The following PALLD variants were observed in gnomAD, a reference collection of about 807,000 sequenced individuals.
PALLD encodes the protein palladin, cytoskeletal associated protein.
Under a neutral mutation model 123.5 loss-of-function variants are expected in PALLD, and 61 were observed. That is an observed-to-expected ratio of 0.49 (90% CI 0.40 to 0.61). PALLD has a LOEUF of 0.61. Ranked by LOEUF, PALLD falls within the 20% of genes least tolerant of loss-of-function variation. The pLI is 0.00. For synonymous variants in PALLD, 465 were observed against 496.4 expected (o/e 0.94, Z 0.84); for missense variants, 1,273 against 1,377.0 (o/e 0.92, Z 1.20).
chr4:168,860,325 C>T (rs1749271564), intron 10 of PALLD, among the ~76,000 whole-genome samples: 1 of 152,162 alleles, frequency 6.6e-6, no homozygotes, highest in Non-Finnish European at 1.5e-5. Context: ...ACAGAAGCCC[C>T]CTCGGACTCC....
chr4:168,528,093 A>G (rs9996029), intron 2 of PALLD, among the ~76,000 whole-genome samples: 66,078 of 151,898 alleles, frequency 0.44, 15,312 homozygotes, highest in African/African-American at 0.6. Flanking sequence ...CCCTCCTTGC[A>G]TTGTTTGAGT....
At chr4:168,721,468 A>G (rs1376223604) in intron 10 of PALLD, among the ~76,000 whole-genome samples, 1 of 152,188 alleles carries the variant, frequency 6.6e-6, no homozygotes, top group Non-Finnish European at 1.5e-5. Flanking sequence ...AAAAAATAAT[A>G]CACTTTAACC....
chr4:168,873,762 G>A (rs188449873), intron 10 of PALLD, among the ~76,000 whole-genome samples: 24 of 152,324 alleles, frequency 1.6e-4, no homozygotes, highest in Admixed American at 1.0e-3. Context: ...CACATTACTT[G>A]ACCTCACTAA....
intron 10 of PALLD, among the ~76,000 whole-genome samples, chr4:168,717,637 C>G (rs561702211): frequency 2.6e-5 from 4 of 152,288 alleles, no homozygotes; most frequent in African/African-American, 7.2e-5. Flanking sequence ...AGGTGTGAGC[C>G]ACCATGCCTG....
At chr4:168,919,216 A>G (rs1445937722) in intron 17 of PALLD, among the ~76,000 whole-genome samples, 1 of 152,104 alleles carries the variant, frequency 6.6e-6, no homozygotes, top group Non-Finnish European at 1.5e-5. Flanking sequence ...TGATGATCTG[A>G]CCTGGATAAA....
chr4:168,506,462 C>A (rs1762014734), intron 1 of PALLD, among the ~76,000 whole-genome samples: 1 of 152,176 alleles, frequency 6.6e-6, no homozygotes, highest in Non-Finnish European at 1.5e-5. Flanking sequence ...AAAGAACTGC[C>A]CCCTTCCTAC....
chr4:168,625,834 G>T (rs546858211), intron 2 of PALLD, among the ~76,000 whole-genome samples: 2 of 152,200 alleles, frequency 1.3e-5, no homozygotes, highest in South Asian at 4.2e-4. Flanking sequence ...AAATGGTGCA[G>T]CCACTATCGA....
intron 10 of PALLD, among the ~76,000 whole-genome samples, chr4:168,755,341 G>T (rs1196280387): frequency 6.6e-6 from 1 of 152,020 alleles, no homozygotes; most frequent in Non-Finnish European, 1.5e-5. Flanking sequence ...GCAGGGACTT[G>T]AATTATATAG....
At chr4:168,611,951 G>A (rs1241125495) in intron 2 of PALLD, among the ~76,000 whole-genome samples, 1 of 152,122 alleles carries the variant, frequency 6.6e-6, no homozygotes, top group East Asian at 1.9e-4. Context: ...CTTGAGCTCA[G>A]GAGTTCAAGA....
intron 2 of PALLD, among the ~76,000 whole-genome samples, chr4:168,578,051 C>T (rs1769816919): frequency 6.6e-6 from 1 of 152,012 alleles, no homozygotes; most frequent in Non-Finnish European, 1.5e-5. Context: ...CCTTTGGATG[C>T]AGGATATACT....
intron 10 of PALLD, among the ~76,000 whole-genome samples, chr4:168,761,264 C>T (rs1732786136): frequency 6.6e-6 from 1 of 152,150 alleles, no homozygotes; most frequent in African/African-American, 2.4e-5. Flanking sequence ...GTCTTTGGCT[C>T]AGCATTTCTC....
intron 13 of PALLD, chr4:168,898,097 T>G (rs1755643520): frequency 3.8e-6 from 1 of 260,570 alleles, no homozygotes; most frequent in South Asian, 4.8e-5. Context: ...TGTGGAGAGA[T>G]GTACCACCCT....
At chr4:168,787,881 A>G (rs770753907) in intron 10 of PALLD, among the ~76,000 whole-genome samples, 1 of 152,174 alleles carries the variant, frequency 6.6e-6, no homozygotes, top group Non-Finnish European at 1.5e-5. Context: ...AACATTACAC[A>G]CTTATGTATG....
intron 15 of PALLD, among the ~76,000 whole-genome samples, chr4:168,908,418 T>C (rs993334406): frequency 6.6e-6 from 1 of 152,216 alleles, no homozygotes; most frequent in Admixed American, 6.5e-5. Flanking sequence ...ACAACATCTA[T>C]TACCGTATAT....
intron 1 of PALLD, among the ~76,000 whole-genome samples, chr4:168,498,040 G>A (rs1454727795): frequency 6.6e-6 from 1 of 152,168 alleles, no homozygotes; most frequent in Non-Finnish European, 1.5e-5. Flanking sequence ...CATATATGCA[G>A]AAATTAAATC....
chr4:168,627,596 C>T (rs572850489), intron 2 of PALLD, among the ~76,000 whole-genome samples: 1 of 152,142 alleles, frequency 6.6e-6, no homozygotes, highest in South Asian at 2.1e-4. Flanking sequence ...ATAAGACAGG[C>T]CTATCTATGA....
intron 6 of PALLD, among the ~76,000 whole-genome samples, chr4:168,690,345 C>T (rs1782499950): frequency 6.6e-6 from 1 of 152,170 alleles, no homozygotes; most frequent in African/African-American, 2.4e-5. Context: ...AATTTGCAGA[C>T]AGGCCAGAAA....
At chr4:168,702,918 A>T (rs892768717) in intron 8 of PALLD, among the ~76,000 whole-genome samples, 4 of 142,084 alleles carry the variant, frequency 2.8e-5, no homozygotes, top group Middle Eastern at 3.3e-3. Context: ...TTTATTTTTT[A>T]TTATTATACT....
chr4:168,576,247 A>C (rs571108660), intron 2 of PALLD, among the ~76,000 whole-genome samples: 4 of 149,582 alleles, frequency 2.7e-5, no homozygotes, highest in South Asian at 4.2e-4. Flanking sequence ...TTCTTTTTTT[A>C]TTATTATACT....
Sources: allele counts gnomAD v4.1 joint callset (sites outside exome capture counted in the v4.1 genomes callset), GRCh38; gene constraint gnomAD v4.1.1; transcripts MANE v1.5; gene names NCBI Gene and HGNC (gene_info 2026-07-23, HGNC 2026-07-21).